The following RBFOX1 variants were observed in gnomAD, a reference collection of about 807,000 sequenced individuals.
RBFOX1 encodes the protein RNA binding protein fox-1 homolog 1.
In RBFOX1, 8 loss-of-function variants were observed where a neutral mutation model predicts 57.7. That is an observed-to-expected ratio of 0.14 (90% CI 0.08 to 0.25). The LOEUF (loss-of-function observed/expected upper bound fraction) is 0.25. Among genes scored for constraint, RBFOX1 ranks in the 10% least tolerant of loss-of-function variants. The probability of loss-of-function intolerance (pLI) is 1.00; values close to 1 mark genes in which losing one functional copy is unlikely to be tolerated. For missense variants in RBFOX1, 611 were observed against 548.5 expected, an observed-to-expected ratio of 1.11 and a Z score of -1.14; for synonymous variants, 326 against 222.4, an observed-to-expected ratio of 1.47 and a Z score of -4.15.
intron 7 of RBFOX1, among the ~76,000 whole-genome samples, chr16:7,588,922 C>G (rs1362338889): frequency 6.6e-6 from 1 of 152,148 alleles, no homozygotes. Flanking sequence ...GTCAGATGAG[C>G]AAAAACAAAA....
chr16:6,516,504 G>T (rs1245554898), intron 2 of RBFOX1, among the ~76,000 whole-genome samples: 1 of 152,136 alleles, frequency 6.6e-6, no homozygotes, highest in Non-Finnish European at 1.5e-5. Context: ...AAATGTCTTT[G>T]TTTCAGAGGA....
At chr16:6,771,745 G>C (rs577251259) in intron 3 of RBFOX1, among the ~76,000 whole-genome samples, 1 of 152,300 alleles carries the variant, frequency 6.6e-6, no homozygotes, top group African/African-American at 2.4e-5. Context: ...CAGGGATGCT[G>C]TTTAACATCT....
intron 3 of RBFOX1, among the ~76,000 whole-genome samples, chr16:6,737,232 G>A (rs117377419): frequency 0.017 from 2,518 of 152,216 alleles, 26 homozygotes; most frequent in Middle Eastern, 0.041. Context: ...TTTAAATAAA[G>A]GGTTATGATA....
chr16:7,251,678 G>C (rs182563309), intron 4 of RBFOX1, among the ~76,000 whole-genome samples: 1 of 152,088 alleles, frequency 6.6e-6, no homozygotes, highest in Admixed American at 6.6e-5. Flanking sequence ...CCTCAGCCTC[G>C]CAAAGTCGTG....
At chr16:6,022,290 T>A (rs1012659780) in intron 1 of RBFOX1, among the ~76,000 whole-genome samples, 1 of 151,904 alleles carries the variant, frequency 6.6e-6, no homozygotes, top group Non-Finnish European at 1.5e-5. Context: ...ATTTATTTAA[T>A]ACATAGAATA....
At chr16:6,180,358 T>A (rs2097053348) in intron 1 of RBFOX1, among the ~76,000 whole-genome samples, 1 of 151,932 alleles carries the variant, frequency 6.6e-6, no homozygotes, top group Admixed American at 6.6e-5. Context: ...GTAGTTTGTG[T>A]CTTTCCAGAA....
At chr16:7,451,742 A>G (rs1030348244) in intron 4 of RBFOX1, among the ~76,000 whole-genome samples, 1 of 140,556 alleles carries the variant, frequency 7.1e-6, no homozygotes. Flanking sequence ...AGGAGAAAAC[A>G]TTTATTTCTC....
At chr16:6,615,080 G>C (rs2154028964) in intron 2 of RBFOX1, among the ~76,000 whole-genome samples, 1 of 152,282 alleles carries the variant, frequency 6.6e-6, no homozygotes, top group East Asian at 1.9e-4. Context: ...CATGTGGATG[G>C]TATCGTGAAA....
chr16:7,035,928 C>T (rs2044271564), intron 3 of RBFOX1, among the ~76,000 whole-genome samples: 1 of 152,126 alleles, frequency 6.6e-6, no homozygotes, highest in African/African-American at 2.4e-5. Context: ...ACCACCACCA[C>T]CCAGCCAACC....
At chr16:5,463,535 C>T (rs986507720) in intron 1 of RBFOX1, among the ~76,000 whole-genome samples, 1 of 152,060 alleles carries the variant, frequency 6.6e-6, no homozygotes, top group Non-Finnish European at 1.5e-5. Context: ...CGTGGTGGGT[C>T]GTGTCTGTAA....
intron 4 of RBFOX1, among the ~76,000 whole-genome samples, chr16:7,127,287 G>C (rs1330940706): frequency 3.9e-5 from 6 of 152,136 alleles, no homozygotes; most frequent in African/African-American, 1.4e-4. Flanking sequence ...ATTATCCATA[G>C]TACTTATGAT....
At chr16:7,519,757 G>T in intron 5 of RBFOX1, 1 of 972,322 alleles carries the variant, frequency 1.0e-6, no homozygotes, top group Non-Finnish European at 1.2e-6. Flanking sequence ...CCTCAGGAAA[G>T]CAAGTATTTG....
chr16:6,199,096 G>C (rs891433595), intron 1 of RBFOX1, among the ~76,000 whole-genome samples: 1 of 151,698 alleles, frequency 6.6e-6, no homozygotes, highest in Non-Finnish European at 1.5e-5. Context: ...TCTATGCTCC[G>C]TTCCATTTTC....
At chr16:6,371,870 C>A (rs765256105) in intron 2 of RBFOX1, among the ~76,000 whole-genome samples, 1 of 152,226 alleles carries the variant, frequency 6.6e-6, no homozygotes, top group Non-Finnish European at 1.5e-5. Context: ...CCCTGCCTAT[C>A]TGATATCACT....
At chr16:6,833,138 CTTGTA>C (rs1299411657) in intron 3 of RBFOX1, among the ~76,000 whole-genome samples, 5 of 151,016 alleles carry the variant, frequency 3.3e-5, no homozygotes, top group Non-Finnish European at 4.4e-5. Context: ...TTTTTCAAGT[CTTGTA>C]TTTTATTTTA....
At chr16:7,445,811 A>G (rs1342270234) in intron 4 of RBFOX1, among the ~76,000 whole-genome samples, 1 of 152,232 alleles carries the variant, frequency 6.6e-6, no homozygotes, top group Non-Finnish European at 1.5e-5. Flanking sequence ...CTACAACAAC[A>G]AATATTTATA....
chr16:5,975,574 T>C (rs1010326164), intron 4 of RBFOX1, among the ~76,000 whole-genome samples: 2 of 152,224 alleles, frequency 1.3e-5, no homozygotes, highest in African/African-American at 4.8e-5. Context: ...CTGTTTGTTT[T>C]TCCTGAACCA....
chr16:6,672,398 A>C (rs940825829), intron 3 of RBFOX1, among the ~76,000 whole-genome samples: 3 of 151,158 alleles, frequency 2.0e-5, no homozygotes, highest in African/African-American at 7.3e-5. Context: ...GGAGAGAGAG[A>C]AAAGGAAGGA....
At chr16:7,055,222 C>G (rs1309271162) in intron 4 of RBFOX1, among the ~76,000 whole-genome samples, 1 of 152,030 alleles carries the variant, frequency 6.6e-6, no homozygotes, top group African/African-American at 2.4e-5. Context: ...TAATATACAA[C>G]GTTTTTCTAA....
Sources: allele counts gnomAD v4.1 joint callset (sites outside exome capture counted in the v4.1 genomes callset), GRCh38; gene constraint gnomAD v4.1.1; transcripts MANE v1.5; gene names NCBI Gene and HGNC (gene_info 2026-07-23, HGNC 2026-07-21).